Variants in TRDN observed in about 807,000 individuals in gnomAD.
TRDN encodes the protein triadin in skeletal muscle.
TRDN carries 161 observed loss-of-function variants against 149.7 expected under a neutral mutation model. The observed-to-expected ratio is 1.08, with a 90% CI of 0.95 to 1.23. TRDN has a LOEUF of 1.23. TRDN is among the 50% of genes most tolerant of loss of function. The pLI, the probability that TRDN is intolerant of heterozygous loss-of-function variation, is 0.00. For missense variants in TRDN, 896 were observed against 823.5 expected (o/e 1.09, Z -1.08); for synonymous variants, 294 against 250.5 (o/e 1.17, Z -1.64).
chr6:123,624,535 C>A (rs1382870238), intron 1 of TRDN, among the ~76,000 whole-genome samples: 1 of 152,134 alleles, frequency 6.6e-6, no homozygotes, highest in East Asian at 1.9e-4. Flanking sequence ...GTACTTTCTG[C>A]TCACATTTTC....
chr6:123,344,949 C>T (rs531427250), intron 21 of TRDN, among the ~76,000 whole-genome samples: 55 of 152,088 alleles, frequency 3.6e-4, no homozygotes, highest in Middle Eastern at 3.4e-3. Flanking sequence ...TGGATTTTAG[C>T]TATTTTAATA....
At chr6:123,313,466 T>TTTTG (rs1049768113) in intron 24 of TRDN, among the ~76,000 whole-genome samples, 13 of 152,032 alleles carry the variant, frequency 8.6e-5, no homozygotes, top group Middle Eastern at 3.4e-3. Flanking sequence ...GAATGGAGAT[T>TTTTG]TTTGTTTGTT....
At chr6:123,503,963 G>T in intron 7 of TRDN, 62 bp from the exon 8 acceptor site, 1 of 1,462,294 alleles carries the variant, frequency 6.8e-7, no homozygotes, top group Non-Finnish European at 9.0e-7. Context: ...TGTTTCATCT[G>T]TACTATGTCA....
chr6:123,512,403 A>T (rs1245094014), intron 6 of TRDN, 41 bp from the exon 7 acceptor site: 1 of 1,206,902 alleles, frequency 8.3e-7, no homozygotes, highest in Admixed American at 2.4e-5. Flanking sequence ...TTTTTAATAG[A>T]TTTCAAAACC....
At chr6:123,380,772 C>G (rs1781687479) in intron 16 of TRDN, among the ~76,000 whole-genome samples, 1 of 148,912 alleles carries the variant, frequency 6.7e-6, no homozygotes, top group Admixed American at 6.7e-5. Context: ...AGAGGAGAAC[C>G]TATATTTGTG....
At chr6:123,502,853 C>T (rs1362965142) in intron 8 of TRDN, 4 of 985,042 alleles carry the variant, frequency 4.1e-6, no homozygotes, top group East Asian at 1.1e-4. Flanking sequence ...GTTAGATCCC[C>T]GTATTCTGTA....
chr6:123,390,961 G>C (rs1178729567), intron 13 of TRDN, among the ~76,000 whole-genome samples: 1 of 152,060 alleles, frequency 6.6e-6, no homozygotes, highest in Non-Finnish European at 1.5e-5. Context: ...CTAACACAGA[G>C]TGCACATACC....
intron 7 of TRDN, among the ~76,000 whole-genome samples, chr6:123,504,625 T>C (rs1329358678): frequency 4.6e-5 from 7 of 151,950 alleles, no homozygotes; most frequent in Non-Finnish European, 1.0e-4. Flanking sequence ...GGGCTATAAA[T>C]AAAAATATAT....
chr6:123,444,730 A>C (rs1313727951), intron 10 of TRDN, among the ~76,000 whole-genome samples: 1 of 152,190 alleles, frequency 6.6e-6, no homozygotes, highest in South Asian at 2.1e-4. Context: ...TTTAGCAAGA[A>C]GGGTTGTTGA....
chr6:123,217,559 T>C lies in TRDN; in HGVS notation c.*1042A>G, dbSNP rs2114490828. 1 of 152,028 alleles carries C rather than the reference T, an allele frequency of 6.6e-6. No individual in the cohort carries two copies. The highest frequency in any genetic ancestry group is 2.4e-5 in the African/African-American group (1 of 41,520). The allele number at this position is 152,028 out of a possible 1,614,324, so 9.4% of individuals were successfully genotyped here. ...TCCCAGGGATGCACTGTCGAGTAGATTAAAAATTGTTATCCATGTCATTGG... is the reference window on the plus strand; with the variant it reads ...TCCCAGGGATGCACTGTCGAGTAGACTAAAAATTGTTATCCATGTCATTGG... On this transcript the variant is annotated 3_prime_UTR_variant, in exon 41 of 41. Transcript: ENST00000334268.
intron 2 of TRDN, among the ~76,000 whole-genome samples, chr6:123,549,522 T>C (rs1489815222): frequency 6.6e-6 from 1 of 152,104 alleles, no homozygotes; most frequent in Admixed American, 6.6e-5. Flanking sequence ...GATTTTTCTC[T>C]CTTTGATATA....
intron 36 of TRDN, 55 bp from the exon 37 acceptor site, chr6:123,255,180 C>T: frequency 1.1e-6 from 1 of 883,314 alleles, no homozygotes; most frequent in Non-Finnish European, 1.6e-6. Flanking sequence ...AAATTTCCAT[C>T]AAAATTTTGT....
intron 38 of TRDN, among the ~76,000 whole-genome samples, chr6:123,227,661 G>A (rs1205430283): frequency 6.6e-6 from 1 of 151,968 alleles, no homozygotes; most frequent in Non-Finnish European, 1.5e-5. Flanking sequence ...GCCCTATTAA[G>A]TTATTTCATA....
At chr6:123,381,519 A>T in intron 15 of TRDN, 129 bp from the exon 16 acceptor site, 1 of 827,228 alleles carries the variant, frequency 1.2e-6, no homozygotes, top group East Asian at 2.7e-5. Context: ...TTTCACAATG[A>T]GGTGAAATTT....
intron 7 of TRDN, among the ~76,000 whole-genome samples, chr6:123,504,340 A>G (rs139926968): frequency 0.011 from 1,680 of 152,196 alleles, 15 homozygotes; most frequent in Non-Finnish European, 0.017. Flanking sequence ...GATAACTGAA[A>G]GATCTTAAGG....
At chr6:123,518,357 A>G (rs1383637029) in intron 5 of TRDN, among the ~76,000 whole-genome samples, 5 of 152,170 alleles carry the variant, frequency 3.3e-5, no homozygotes, top group African/African-American at 1.2e-4. Flanking sequence ...CTATTAATTA[A>G]GCAGAAAACC....
In TRDN at chr6:123,492,637, G is replaced by T. The variant is rs1327823208; in HGVS notation, c.853+4556C>A. Among the ~76,000 whole-genome samples the T allele has an allele frequency of 2.0e-5, 3 of 152,008 alleles. No individual in the cohort carries two copies. The East Asian group carries it at 5.8e-4, about 29-fold the overall frequency. ...TATAGCTGTCACTTAAGAAAAATGT[G>T]CTAAGCCACACAAAATTGAAAAGGA... On this transcript the variant is annotated intron_variant, in intron 9 of 40. Coordinates refer to ENST00000334268, the MANE Select transcript of TRDN (RefSeq NM_006073.4).
At chr6:123,360,112 A>G (rs188530551) in intron 20 of TRDN, among the ~76,000 whole-genome samples, 56 of 152,298 alleles carry the variant, frequency 3.7e-4, no homozygotes, top group Middle Eastern at 6.8e-3. Flanking sequence ...GCTGTACCTT[A>G]TCAACCTATC....
At chr6:123,396,571 AG>A (rs1236613150) in intron 12 of TRDN, among the ~76,000 whole-genome samples, 4 of 152,222 alleles carry the variant, frequency 2.6e-5, no homozygotes, top group Admixed American at 2.0e-4. Flanking sequence ...TTAAAATGTC[AG>A]CATAATTCAC....
Sources: gnomAD v4.1 joint callset for allele counts (sites outside exome capture counted in the v4.1 genomes callset) on GRCh38, gnomAD v4.1.1 for gene constraint, MANE v1.5 for transcripts, NCBI Gene and HGNC (gene_info 2026-07-23, HGNC 2026-07-21) for gene names.